CADM2: variants seen among roughly 807,000 people sequenced by gnomAD.
The protein encoded by CADM2 is immunoglobulin superfamily member 4D.
A neutral mutation model predicts 49.8 loss-of-function variants in CADM2; 12 were observed. The observed-to-expected ratio is 0.24, with a 90% confidence interval of 0.15 to 0.39. CADM2 has a LOEUF of 0.39. Ranked by LOEUF, CADM2 falls within the 10% of genes least tolerant of loss-of-function variation. The pLI, the probability that CADM2 is intolerant of heterozygous loss-of-function variation, is 1.00. For synonymous variants in CADM2, 214 were observed against 175.4 expected, an observed-to-expected ratio of 1.22 and a Z score of -1.74; for missense variants, 378 against 492.3, an observed-to-expected ratio of 0.77 and a Z score of 2.20.
At chr3:85,091,793 G>A (rs11127878) in intron 1 of CADM2, among the ~76,000 whole-genome samples, 13,853 of 152,050 alleles carry the variant, frequency 0.091, 1,155 homozygotes, top group Admixed American at 0.26. Flanking sequence ...CTTGTAGAAA[G>A]CATAGTAACC....
chr3:85,995,806 C>T (rs1014549647), intron 8 of CADM2, among the ~76,000 whole-genome samples: 14 of 151,992 alleles, frequency 9.2e-5, no homozygotes, highest in Non-Finnish European at 1.3e-4. Flanking sequence ...AAATAAAATA[C>T]GGGGTGGGCA....
chr3:86,035,254 T>C (rs976231000), intron 8 of CADM2, among the ~76,000 whole-genome samples: 1 of 152,064 alleles, frequency 6.6e-6, no homozygotes, highest in African/African-American at 2.4e-5. Context: ...CACATGTGGC[T>C]CTCTCAGATA....
chr3:85,212,847 T>TTTCTTTCTTTCTTTCC (rs2041818716), intron 1 of CADM2, among the ~76,000 whole-genome samples: 1 of 120,970 alleles, frequency 8.3e-6, no homozygotes, highest in Non-Finnish European at 1.7e-5. Flanking sequence ...TCTTTCTTTC[T>TTTCTTTCTTTCTTTCC]TTCTTTCTTT....
At chr3:85,686,818 C>A (rs1050685222) in intron 1 of CADM2, among the ~76,000 whole-genome samples, 26 of 152,198 alleles carry the variant, frequency 1.7e-4, no homozygotes, top group African/African-American at 6.3e-4. Context: ...CAAAAGAATG[C>A]AACCATTTGT....
chr3:85,590,396 T>A (rs552798845), intron 1 of CADM2, among the ~76,000 whole-genome samples: 13 of 151,918 alleles, frequency 8.6e-5, no homozygotes, highest in Non-Finnish European at 1.9e-4. Flanking sequence ...GAATTCATTA[T>A]CTAAATAATT....
At chr3:85,077,304 GACT>G (rs2036982820) in intron 1 of CADM2, among the ~76,000 whole-genome samples, 1 of 152,062 alleles carries the variant, frequency 6.6e-6, no homozygotes, top group South Asian at 2.1e-4. Context: ...TGGAAAGGGT[GACT>G]AAGGCTCTAA....
chr3:85,772,465 G>A (rs1373735765), intron 2 of CADM2, among the ~76,000 whole-genome samples: 1 of 151,900 alleles, frequency 6.6e-6, no homozygotes, highest in Non-Finnish European at 1.5e-5. Flanking sequence ...TTGAATATAA[G>A]CCTTGAATTA....
At chr3:85,635,911 G>A (rs1046513791) in intron 1 of CADM2, among the ~76,000 whole-genome samples, 11 of 152,230 alleles carry the variant, frequency 7.2e-5, no homozygotes, top group East Asian at 3.9e-4. Flanking sequence ...TGTTGCAGCC[G>A]TCATAACATT....
At chr3:85,428,680 C>CAT (rs112249345) in intron 1 of CADM2, among the ~76,000 whole-genome samples, 4,739 of 143,184 alleles carry the variant, frequency 0.033, 245 homozygotes, top group African/African-American at 0.11. Flanking sequence ...TATAATATAT[C>CAT]ATATATATAT....
chr3:85,038,339 G>T (rs1352747230), intron 1 of CADM2, among the ~76,000 whole-genome samples: 1 of 152,180 alleles, frequency 6.6e-6, no homozygotes, highest in Non-Finnish European at 1.5e-5. Context: ...TATGATATGT[G>T]TAAAGTTAGC....
chr3:84,997,158 A>AT (rs2033222020), intron 1 of CADM2, among the ~76,000 whole-genome samples: 1 of 152,042 alleles, frequency 6.6e-6, no homozygotes, highest in Non-Finnish European at 1.5e-5. Context: ...ATTTCCTCTG[A>AT]TTTGTCCAAT....
chr3:85,070,063 A>C (rs998742002), intron 1 of CADM2, among the ~76,000 whole-genome samples: 2 of 152,108 alleles, frequency 1.3e-5, no homozygotes, highest in Non-Finnish European at 2.9e-5. Context: ...TTTATTTTCA[A>C]TAAGCAAAAT....
At chr3:85,578,151 G>A (rs890166120) in intron 1 of CADM2, among the ~76,000 whole-genome samples, 1 of 151,730 alleles carries the variant, frequency 6.6e-6, no homozygotes, top group Non-Finnish European at 1.5e-5. Flanking sequence ...GCGCGATCTC[G>A]GCTCACTGCA....
chr3:85,421,475 G>A (rs1488358698), intron 1 of CADM2, among the ~76,000 whole-genome samples: 1 of 152,242 alleles, frequency 6.6e-6, no homozygotes, highest in Admixed American at 6.5e-5. Flanking sequence ...AGCCAAAGAA[G>A]GATGGGAAAC....
intron 1 of CADM2, among the ~76,000 whole-genome samples, chr3:85,716,651 A>G (rs572828128): frequency 6.6e-6 from 1 of 152,272 alleles, no homozygotes; most frequent in African/African-American, 2.4e-5. Flanking sequence ...TAAATCTTTA[A>G]TCCATCTTGA....
At chr3:85,303,365 T>C (rs545716212) in intron 1 of CADM2, among the ~76,000 whole-genome samples, 1 of 152,070 alleles carries the variant, frequency 6.6e-6, no homozygotes, top group South Asian at 2.1e-4. Context: ...AGCTTCTGAA[T>C]CTAAGGACAA....
intron 1 of CADM2, among the ~76,000 whole-genome samples, chr3:85,606,366 AAC>A (rs1640825135): frequency 6.6e-6 from 1 of 152,076 alleles, no homozygotes; most frequent in South Asian, 2.1e-4. Flanking sequence ...CATATTCCCA[AAC>A]AACTGGAATC....
intron 1 of CADM2, among the ~76,000 whole-genome samples, chr3:85,506,919 A>C (rs1484053174): frequency 1.3e-5 from 2 of 152,222 alleles, no homozygotes; most frequent in Non-Finnish European, 2.9e-5. Context: ...TTATAGTCCC[A>C]AAAATAAATA....
chr3:85,459,996 G>C (rs974725968), intron 1 of CADM2, among the ~76,000 whole-genome samples: 2 of 152,210 alleles, frequency 1.3e-5, no homozygotes, highest in East Asian at 3.9e-4. Context: ...TTAATCAAAA[G>C]ATAAATCACT....
Sources: allele counts gnomAD v4.1 joint callset (sites outside exome capture counted in the v4.1 genomes callset), GRCh38; gene constraint gnomAD v4.1.1; transcripts MANE v1.5; gene names NCBI Gene and HGNC (gene_info 2026-07-23, HGNC 2026-07-21).